RNF121: variants seen among roughly 807,000 people sequenced by gnomAD.
RNF121 encodes the protein E3 ubiquitin ligase RNF121.
RNF121 carries 21 observed loss-of-function variants against 46.5 expected under a neutral mutation model. The observed-to-expected ratio is 0.45, with a 90% confidence interval of 0.32 to 0.65. The LOEUF is 0.65. RNF121 is among the 30% of genes least tolerant of loss of function. The pLI is 0.04. For synonymous variants in RNF121, 139 were observed against 144.7 expected (o/e 0.96, Z 0.28); for missense variants, 346 against 416.0 (o/e 0.83, Z 1.46).
chr11:71,990,358 G>T (rs554380180), intron 5 of RNF121, among the ~76,000 whole-genome samples: 23 of 152,328 alleles, frequency 1.5e-4, no homozygotes, highest in African/African-American at 5.5e-4. Flanking sequence ...GAGGAAAAGG[G>T]GTAGGAGGGG....
At position 71,982,844 on chromosome 11, in the gene RNF121, C is replaced by T; in HGVS notation, c.327C>T (p.Ile109=). 1.9e-6 allele frequency: 3 copies of T among 1,614,048 alleles called. No homozygotes were observed. Among genetic ancestry groups the T allele is most frequent in the Non-Finnish European group, 2.5e-6 (3 of 1,179,976 alleles). ...GGTGGAGGTTCCTAGTGATCTGGAT[C>T]TTGTTCTCTGCTGTCACAGCCTTTG... The part of the protein sequence containing the change: ...LHWWRFLVIW[I]LFSAVTAFVT... Residue 109 remains isoleucine (I), a synonymous_variant, in exon 4 of 9, where the codon ATC becomes ATT. Coordinates refer to ENST00000361756, the MANE Select transcript of RNF121 (RefSeq NM_018320.5).
At chr11:71,933,431 C>T (rs1310963881) in intron 1 of RNF121, among the ~76,000 whole-genome samples, 1 of 152,124 alleles carries the variant, frequency 6.6e-6, no homozygotes, top group African/African-American at 2.4e-5. Context: ...CTCTCTTTGG[C>T]CCTGTTTTGC....
intron 1 of RNF121, among the ~76,000 whole-genome samples, chr11:71,932,479 G>A (rs1273625420): frequency 6.6e-6 from 1 of 152,242 alleles, no homozygotes; most frequent in Non-Finnish European, 1.5e-5. Context: ...GCTCTAGGGG[G>A]TGGGAACTTT....
intron 1 of RNF121, among the ~76,000 whole-genome samples, chr11:71,930,326 T>G (rs1342233962): frequency 6.6e-6 from 1 of 150,518 alleles, no homozygotes; most frequent in Non-Finnish European, 1.5e-5. Context: ...GTGGGAAGAG[T>G]GGGGAGGATT....
chr11:71,936,443 G>T (rs112143075), intron 1 of RNF121, among the ~76,000 whole-genome samples: 1 of 151,376 alleles, frequency 6.6e-6, no homozygotes, highest in Admixed American at 6.6e-5. Flanking sequence ...AGGCTGGAGC[G>T]CAGTGGCACG....
In RNF121 at chr11:71,994,759, A is replaced by G; in HGVS notation, c.668A>G (p.Asp223Gly). ...ESGMPTKHLS[D>G]SVCAVCGQQI... Reference sequence around the variant, plus strand: ...GGCATGCCTACCAAACATCTTTCAGACAGTGTGTGTGCTGTGTGTGGGCAG... The same window carrying G: ...GGCATGCCTACCAAACATCTTTCAGGCAGTGTGTGTGCTGTGTGTGGGCAG... The change falls in exon 7 of 9, where the codon GAC (aspartate) becomes GGC (glycine). Residue 223 changes from aspartate to glycine, a missense_variant. Asp to Gly is a moderately conservative substitution (Grantham distance 94, BLOSUM62 -1). Around this residue, in one of 2 missense-constraint regions of RNF121, gnomAD observed 286 missense variants for 383.8 expected, o/e 0.75. Coordinates refer to ENST00000361756, the MANE Select transcript of RNF121 (RefSeq NM_018320.5). 6.2e-7 allele frequency: 1 copy of G among 1,614,038 alleles called. No individual in the cohort carries two copies. The highest frequency in any genetic ancestry group is 8.5e-7 in the Non-Finnish European group (1 of 1,179,998).
chr11:71,963,155 G>A (rs762602483), intron 3 of RNF121, among the ~76,000 whole-genome samples: 11 of 152,098 alleles, frequency 7.2e-5, no homozygotes, highest in African/African-American at 1.7e-4. Context: ...ACATTTTATC[G>A]GTTGTCTTGA....
At chr11:71,930,110 G>A (rs1039815814) in intron 1 of RNF121, among the ~76,000 whole-genome samples, 1 of 152,194 alleles carries the variant, frequency 6.6e-6, no homozygotes, top group Non-Finnish European at 1.5e-5. Flanking sequence ...AGGAATGAAG[G>A]GACAGGGCAG....
chr11:71,952,916 ACT>A (rs1480367940), intron 1 of RNF121, among the ~76,000 whole-genome samples: 4 of 152,200 alleles, frequency 2.6e-5, no homozygotes, highest in Non-Finnish European at 4.4e-5. Context: ...TTGAAAATTC[ACT>A]CTCAGCAATT....
chr11:71,930,303 C>A (rs943267321), intron 1 of RNF121, among the ~76,000 whole-genome samples: 1 of 152,040 alleles, frequency 6.6e-6, no homozygotes, highest in Non-Finnish European at 1.5e-5. Flanking sequence ...AGGCCCCTTG[C>A]TGTGTGTTGG....
intron 3 of RNF121, among the ~76,000 whole-genome samples, chr11:71,973,934 TTTTG>T (rs757761064): frequency 5.3e-5 from 8 of 152,130 alleles, no homozygotes; most frequent in African/African-American, 1.2e-4. Context: ...CCCTGTATTT[TTTTG>T]TTTGTTTGTT....
intron 2 of RNF121, among the ~76,000 whole-genome samples, chr11:71,957,762 G>C (rs973780794): frequency 6.6e-6 from 1 of 152,134 alleles, no homozygotes; most frequent in Non-Finnish European, 1.5e-5. Flanking sequence ...TGTATCTTCT[G>C]TTCTCAACTC....
chr11:71,953,549 T>G (rs938300762), intron 1 of RNF121, among the ~76,000 whole-genome samples: 2 of 152,156 alleles, frequency 1.3e-5, no homozygotes, highest in Admixed American at 1.3e-4. Flanking sequence ...TCAGGAGGTC[T>G]GGGATGGAGT....
intron 3 of RNF121, among the ~76,000 whole-genome samples, chr11:71,966,674 G>C (rs530999285): frequency 1.3e-5 from 2 of 151,540 alleles, no homozygotes; most frequent in Admixed American, 1.3e-4. Flanking sequence ...ATTTTTTGTA[G>C]AGTTGGCTCT....
At position 71,971,286 on chromosome 11, in the gene RNF121, A is replaced by T. The variant is rs568174992; in HGVS notation, c.243+10395A>T. On this transcript the variant is annotated intron_variant, in intron 3 of 8. Coordinates refer to ENST00000361756, the MANE Select transcript of RNF121 (RefSeq NM_018320.5). ...GTAGTCCCAGCTACTCAGGAGGCTG[A>T]GGTGGAAGGATCACTTGAGCCCAAG... 2.6e-5 allele frequency among the ~76,000 whole-genome samples: 4 copies of T among 152,324 alleles called. No homozygotes were observed. The South Asian group carries it at 6.2e-4, about 24-fold the overall frequency.
chr11:71,968,273 T>C (rs1954333821), intron 3 of RNF121, among the ~76,000 whole-genome samples: 1 of 152,210 alleles, frequency 6.6e-6, no homozygotes, highest in East Asian at 1.9e-4. Flanking sequence ...TTGGCCAGGC[T>C]GATCTCGAAC....
chr11:71,950,249 T>C (rs1355255517), intron 1 of RNF121, among the ~76,000 whole-genome samples: 1 of 152,096 alleles, frequency 6.6e-6, no homozygotes, highest in Non-Finnish European at 1.5e-5. Flanking sequence ...CTCTGAGTGA[T>C]AGATATTTTT....
At chr11:71,953,811 T>TG (rs1953933180) in intron 1 of RNF121, among the ~76,000 whole-genome samples, 1 of 152,162 alleles carries the variant, frequency 6.6e-6, no homozygotes, top group African/African-American at 2.4e-5. Flanking sequence ...TATGATATTT[T>TG]GGGGGGACAG....
At chr11:71,974,155 A>T (rs530736538) in intron 3 of RNF121, among the ~76,000 whole-genome samples, 12 of 152,036 alleles carry the variant, frequency 7.9e-5, no homozygotes, top group Non-Finnish European at 1.6e-4. Context: ...GTTAGCCAAG[A>T]TGGTCTCAAT....
Sources: allele counts gnomAD v4.1 joint callset (sites outside exome capture counted in the v4.1 genomes callset), GRCh38; gene constraint gnomAD v4.1.1; regional missense constraint gnomAD v4.1.1; transcripts MANE v1.5; gene names NCBI Gene and HGNC (gene_info 2026-07-23, HGNC 2026-07-21).